Variants in STARD13 observed in about 807,000 individuals in gnomAD.
The protein encoded by STARD13 is stAR-related lipid transfer protein 13.
In STARD13, 62 loss-of-function variants were observed where a neutral mutation model predicts 106.4. That is an observed-to-expected ratio of 0.58 (90% CI 0.48 to 0.72). STARD13 has a LOEUF of 0.72. Ranked by LOEUF, STARD13 falls within the 30% of genes least tolerant of loss-of-function variation. The pLI, the probability that STARD13 is intolerant of heterozygous loss-of-function variation, is 0.00. For missense variants in STARD13, 1,387 were observed against 1,424.0 expected (o/e 0.97, Z 0.42); for synonymous variants, 565 against 553.0 (o/e 1.02, Z -0.31).
rs749432245 is a variant in STARD13 at position 33,130,194 on chromosome 13, C to T, written c.483G>A (p.Thr161=). 3.0e-5 allele frequency: 49 copies of T among 1,613,270 alleles called. No individual in the cohort carries two copies. The East Asian group carries it at 6.5e-4, about 21-fold the overall frequency. Residue 161 remains threonine (T), a synonymous_variant, in exon 5 of 14, where the codon ACG becomes ACA. Coordinates refer to ENST00000336934, the MANE Select transcript of STARD13 (RefSeq NM_178006.4). The surrounding 1 kb of genome is among the most constrained non-coding windows in gnomAD (Gnocchi z 4.1). The part of the protein sequence containing the change: ...RRWSRVDDLY[T]LLPRGDRNGS... ...CATTTCTGTCTCCTCGAGGGAGCAG[C>T]GTGTAGAGGTCGTCCACACGAGACC... is the stretch of plus-strand genomic sequence containing the variant.
In STARD13 at chr13:33,222,601, A is replaced by T. The variant is rs544604518; in HGVS notation, c.170-54979T>A. Among the ~76,000 whole-genome samples the T allele has an allele frequency of 2.0e-5, 3 of 152,238 alleles. No homozygotes were observed. The South Asian group carries it at 6.2e-4, about 32-fold the overall frequency. ...TCCAATATATAATATTAGCAGATAGACAACATTTCCCAAAGCACCTTCTGT... is the reference window on the plus strand; with the variant it reads ...TCCAATATATAATATTAGCAGATAGTCAACATTTCCCAAAGCACCTTCTGT... On this transcript the variant is annotated intron_variant, in intron 1 of 13. Transcript: ENST00000336934.
the STARD13 span, among the ~76,000 whole-genome samples, chr13:33,638,407 A>G: frequency 6.6e-6 from 1 of 152,234 alleles, no homozygotes; most frequent in African/African-American, 2.4e-5. Context: ...CCAGAAAAGC[A>G]GGACACCTGG....
the STARD13 span, among the ~76,000 whole-genome samples, chr13:33,428,747 A>G: frequency 5.3e-5 from 8 of 152,216 alleles, no homozygotes; most frequent in Non-Finnish European, 1.2e-4. Flanking sequence ...AATACTTGCA[A>G]ACTATCCCTC....
At chr13:33,298,642 C>T (rs1892595856) in intron 1 of STARD13, among the ~76,000 whole-genome samples, 1 of 152,066 alleles carries the variant, frequency 6.6e-6, no homozygotes, top group Admixed American at 6.6e-5. Context: ...TGCACACATA[C>T]ACACACGCAT....
At chr13:33,155,642 TA>T (rs1179737733) in intron 3 of STARD13, 3 of 152,158 alleles carry the variant, frequency 2.0e-5, no homozygotes, top group Admixed American at 1.3e-4. Flanking sequence ...AAGAGGCCAT[TA>T]AAAATATATA....
At chr13:33,602,218 A>C in the STARD13 span, among the ~76,000 whole-genome samples, 39 of 151,750 alleles carry the variant, frequency 2.6e-4, no homozygotes, top group Admixed American at 2.6e-4. Flanking sequence ...CAGCCTCCCG[A>C]ATAGCTGGGA....
the STARD13 span, among the ~76,000 whole-genome samples, chr13:33,528,271 T>TATATATATATATATATAC: frequency 7.9e-6 from 1 of 127,246 alleles, no homozygotes; most frequent in African/African-American, 3.3e-5. Flanking sequence ...TATATATATA[T>TATATATATATATATATAC]ATACTCTTTT....
the STARD13 span, among the ~76,000 whole-genome samples, chr13:33,605,114 C>T: frequency 6.6e-6 from 1 of 151,540 alleles, no homozygotes; most frequent in African/African-American, 2.4e-5. Context: ...TGGTGTGAGC[C>T]TGTAGTCCCA....
chr13:33,120,285 G>A (rs1296638877), intron 7 of STARD13, among the ~76,000 whole-genome samples: 2 of 152,210 alleles, frequency 1.3e-5, no homozygotes, highest in East Asian at 3.8e-4. Flanking sequence ...TGTCTTGCGG[G>A]CTGTTTCTGG....
chr13:33,314,171 G>A (rs1893245007), intron 1 of STARD13, among the ~76,000 whole-genome samples: 1 of 152,130 alleles, frequency 6.6e-6, no homozygotes, highest in Non-Finnish European at 1.5e-5. Context: ...CCCTCTCCAA[G>A]GAATGAGATA....
chr13:33,432,060 T>C, the STARD13 span, among the ~76,000 whole-genome samples: 3 of 152,108 alleles, frequency 2.0e-5, no homozygotes, highest in African/African-American at 7.2e-5. Flanking sequence ...CTCTGAGGTA[T>C]AGAAGAGCAG....
the STARD13 span, among the ~76,000 whole-genome samples, chr13:33,603,021 T>C: frequency 6.6e-6 from 1 of 152,184 alleles, no homozygotes; most frequent in Admixed American, 6.5e-5. Context: ...AGCTTGAAAC[T>C]TATATTTGTT....
At chr13:33,471,682 C>T in the STARD13 span, among the ~76,000 whole-genome samples, 1 of 147,690 alleles carries the variant, frequency 6.8e-6, no homozygotes, top group African/African-American at 2.5e-5. Context: ...ACATGGCCAA[C>T]TGATTTCATG....
chr13:33,451,165 C>A, the STARD13 span, among the ~76,000 whole-genome samples: 2 of 152,106 alleles, frequency 1.3e-5, no homozygotes, highest in Admixed American at 1.3e-4. Context: ...TAGGTATGAG[C>A]CCCCATGCCT....
At chr13:33,174,363 T>C (rs185723613) in intron 1 of STARD13, among the ~76,000 whole-genome samples, 4 of 152,270 alleles carry the variant, frequency 2.6e-5, no homozygotes, top group East Asian at 1.9e-4. Flanking sequence ...CCAGCTGCCA[T>C]GTGCAGTTCT....
chr13:33,136,885 G>A (rs1218933464), intron 4 of STARD13, among the ~76,000 whole-genome samples: 1 of 152,206 alleles, frequency 6.6e-6, no homozygotes, highest in African/African-American at 2.4e-5. Flanking sequence ...CCCTCCTTTT[G>A]CTGGCGCCAA....
At chr13:33,466,728 A>G in the STARD13 span, among the ~76,000 whole-genome samples, 3 of 152,342 alleles carry the variant, frequency 2.0e-5, no homozygotes, top group South Asian at 6.2e-4. Context: ...CTAAACCCCA[A>G]CAAAACAAGG....
the STARD13 span, among the ~76,000 whole-genome samples, chr13:33,473,039 A>G: frequency 6.6e-6 from 1 of 152,202 alleles, no homozygotes; most frequent in Non-Finnish European, 1.5e-5. Context: ...GGTTATAAGA[A>G]AAATTAGGCA....
At chr13:33,348,737 T>C (rs1457688865) in exon 2 of STARD13, 1 of 220,982 alleles carries the variant, frequency 4.5e-6, no homozygotes, top group African/African-American at 2.2e-5. Context: ...AGGTCTACAG[T>C]GCATGTACAG....
Sources: gnomAD v4.1 joint callset for allele counts (sites outside exome capture counted in the v4.1 genomes callset) on GRCh38, gnomAD v4.1.1 for gene constraint, Gnocchi (gnomAD v3.1) non-coding constraint, MANE v1.5 for transcripts, NCBI Gene and HGNC (gene_info 2026-07-23, HGNC 2026-07-21) for gene names.